CACNA2D3: variants seen among roughly 807,000 people sequenced by gnomAD.
CACNA2D3 encodes the protein voltage-dependent calcium channel subunit alpha-2/delta-3.
Under a neutral mutation model 160.6 loss-of-function variants are expected in CACNA2D3, and 60 were observed. The observed-to-expected ratio is 0.37, with a 90% confidence interval of 0.30 to 0.46. The LOEUF is 0.46. CACNA2D3 is among the 20% of genes least tolerant of loss of function. The probability of loss-of-function intolerance (pLI) is 1.00; values close to 1 mark genes in which losing one functional copy is unlikely to be tolerated. For synonymous variants in CACNA2D3, 558 were observed against 492.9 expected (o/e 1.13, Z -1.75); for missense variants, 1,205 against 1,365.0 (o/e 0.88, Z 1.85).
chr3:54,713,435 A>G lies in CACNA2D3; in HGVS notation c.1168-39164A>G, dbSNP rs546282217. Among the ~76,000 whole-genome samples the G allele has an allele frequency of 9.8e-5, 15 of 152,350 alleles. No individual in the cohort carries two copies. The South Asian group carries it at 1.0e-3, about 11-fold the overall frequency. ...CATTATCCTCACATAAAAGTGGCCA[A>G]TAGAAAGAAGTTAAGAGCCACCCTT... On this transcript the variant is annotated intron_variant, in intron 11 of 37. Transcript: ENST00000474759.
intron 9 of CACNA2D3, among the ~76,000 whole-genome samples, chr3:54,599,618 G>GA (rs979142260): frequency 2.6e-5 from 4 of 152,152 alleles, no homozygotes; most frequent in South Asian, 2.1e-4. Context: ...TGGGGGGGAG[G>GA]AAAAAACCTC....
chr3:54,337,874 A>C (rs1704423040), intron 3 of CACNA2D3, among the ~76,000 whole-genome samples: 1 of 152,192 alleles, frequency 6.6e-6, no homozygotes, highest in Non-Finnish European at 1.5e-5. Flanking sequence ...AGTCACCTGG[A>C]ATGCTTTATA....
At chr3:54,563,918 T>G (rs773118112) in intron 6 of CACNA2D3, among the ~76,000 whole-genome samples, 3 of 152,116 alleles carry the variant, frequency 2.0e-5, no homozygotes, top group Non-Finnish European at 2.9e-5. Context: ...TACAGAACAT[T>G]TCCCAAGAGT....
intron 2 of CACNA2D3, among the ~76,000 whole-genome samples, chr3:54,305,296 A>G (rs1013453771): frequency 6.6e-6 from 1 of 152,248 alleles, no homozygotes. Flanking sequence ...AGTGGTACAT[A>G]GGGAAAAAAT....
At chr3:54,865,307 CAAT>C (rs1300803392) in intron 17 of CACNA2D3, among the ~76,000 whole-genome samples, 1 of 152,196 alleles carries the variant, frequency 6.6e-6, no homozygotes, top group Admixed American at 6.5e-5. Context: ...AAATTTTCAA[CAAT>C]GAGCCGTTAT....
At chr3:54,205,699 A>G (rs1466947418) in intron 2 of CACNA2D3, among the ~76,000 whole-genome samples, 1 of 152,156 alleles carries the variant, frequency 6.6e-6, no homozygotes, top group African/African-American at 2.4e-5. Flanking sequence ...CACCAAGGTA[A>G]AGAGCAAAAA....
chr3:54,908,995 A>G (rs560756603), intron 27 of CACNA2D3, among the ~76,000 whole-genome samples: 1 of 152,320 alleles, frequency 6.6e-6, no homozygotes, highest in Non-Finnish European at 1.5e-5. Context: ...TGATTTGTTC[A>G]CTCACCTATT....
intron 5 of CACNA2D3, among the ~76,000 whole-genome samples, chr3:54,513,329 A>T (rs1260488036): frequency 6.6e-6 from 1 of 152,176 alleles, no homozygotes; most frequent in Admixed American, 6.5e-5. Flanking sequence ...TTGACCTTAG[A>T]GACACTCACC....
At chr3:54,320,609 T>C in intron 3 of CACNA2D3, 51 bp downstream of exon 3, 1 of 928,970 alleles carries the variant, frequency 1.1e-6, no homozygotes. Flanking sequence ...CAAAGGCAGC[T>C]TCAGGGGATG....
intron 35 of CACNA2D3, among the ~76,000 whole-genome samples, chr3:55,035,638 T>C (rs557052034): frequency 1.3e-5 from 2 of 152,330 alleles, no homozygotes; most frequent in African/African-American, 4.8e-5. Flanking sequence ...TCTATTTTTA[T>C]GTCATTTCTC....
intron 18 of CACNA2D3, among the ~76,000 whole-genome samples, chr3:54,877,879 A>G (rs1699700164): frequency 6.6e-6 from 1 of 152,194 alleles, no homozygotes; most frequent in Non-Finnish European, 1.5e-5. Context: ...AGATAAATCG[A>G]GCCGTTCTTA....
intron 27 of CACNA2D3, among the ~76,000 whole-genome samples, chr3:54,938,620 C>T (rs190777569): frequency 1.3e-5 from 2 of 150,542 alleles, no homozygotes; most frequent in African/African-American, 4.9e-5. Flanking sequence ...CCCTTAGTTA[C>T]CCCCACCCCC....
chr3:55,001,321 C>T (rs1702975709), intron 31 of CACNA2D3, among the ~76,000 whole-genome samples: 1 of 152,180 alleles, frequency 6.6e-6, no homozygotes, highest in South Asian at 2.1e-4. Flanking sequence ...TGGGTAATGC[C>T]TGTGTCAATT....
At chr3:54,632,493 C>A (rs1189348249) in intron 10 of CACNA2D3, 1 of 152,184 alleles carries the variant, frequency 6.6e-6, no homozygotes, top group Non-Finnish European at 1.5e-5. Context: ...CAGAACATCT[C>A]CAGAACAACC....
intron 2 of CACNA2D3, among the ~76,000 whole-genome samples, chr3:54,291,376 C>G (rs1033506947): frequency 6.6e-6 from 1 of 152,112 alleles, no homozygotes; most frequent in Non-Finnish European, 1.5e-5. Flanking sequence ...AATTTTGTCC[C>G]TTTAAAGTAA....
At chr3:54,765,350 C>A (rs963029986) in intron 13 of CACNA2D3, among the ~76,000 whole-genome samples, 3 of 152,064 alleles carry the variant, frequency 2.0e-5, no homozygotes, top group African/African-American at 7.2e-5. Context: ...AGAATGTATC[C>A]CCTTGTCAAA....
Position 54,233,560 on chromosome 3 carries a change from T to A in CACNA2D3, c.205-86882T>A, listed in dbSNP as rs1306764197. Among the ~76,000 whole-genome samples the A allele has an allele frequency of 2.0e-5, 3 of 152,366 alleles. No homozygotes were observed. In the East Asian group the frequency reaches 5.8e-4, roughly 29 times the overall value. On this transcript the variant is annotated intron_variant, in intron 2 of 37. Coordinates refer to ENST00000474759, the MANE Select transcript of CACNA2D3 (RefSeq NM_018398.3). ...TCCACACCATTGGAAACACATCCAA[T>A]GACATAGCACTGGTGAAGTGGCACA...
chr3:54,673,118 G>C (rs867422345), intron 11 of CACNA2D3, among the ~76,000 whole-genome samples: 5 of 152,208 alleles, frequency 3.3e-5, no homozygotes, highest in African/African-American at 1.2e-4. Flanking sequence ...AATCAAGGGT[G>C]ATGCCACACA....
chr3:54,249,215 A>G (rs1702135630), intron 2 of CACNA2D3, among the ~76,000 whole-genome samples: 1 of 152,192 alleles, frequency 6.6e-6, no homozygotes, highest in Non-Finnish European at 1.5e-5. Context: ...AGCATGGTTT[A>G]CAGAGATGCG....
Sources: gnomAD v4.1 joint callset for allele counts (sites outside exome capture counted in the v4.1 genomes callset) on GRCh38, gnomAD v4.1.1 for gene constraint, MANE v1.5 for transcripts, NCBI Gene and HGNC (gene_info 2026-07-23, HGNC 2026-07-21) for gene names.